NAGPA: variants seen among roughly 807,000 people sequenced by gnomAD.
The protein encoded by NAGPA is alpha-N-acetylglucosaminyl phosphodiesterase.
NAGPA carries 56 observed loss-of-function variants against 48.5 expected under a neutral mutation model. The observed-to-expected ratio is 1.15, with a 90% CI of 0.93 to 1.44. The LOEUF is 1.44. Among genes scored for constraint, NAGPA ranks in the 40% most tolerant of loss-of-function variants. NAGPA has a pLI of 0.00. For missense variants in NAGPA, 888 were observed against 735.0 expected (o/e 1.21, Z -2.41); for synonymous variants, 399 against 315.5 (o/e 1.26, Z -2.81).
chr16:5,033,821 G>A lies in NAGPA; in HGVS notation c.86+8C>T. On this transcript the variant is annotated splice_region_variant and intron_variant, in intron 1 of 9. Transcript: ENST00000312251. The surrounding 1 kb of genome is among the most constrained non-coding windows in gnomAD (Gnocchi z 4.2). ...CCGAACCAGGCTGGCCCAGGGAGCT[G>A]CACTCACCCCGAGTCGAGGCCGCCG... 2 of 1,554,510 alleles carry A rather than the reference G, an allele frequency of 1.3e-6. No homozygotes were observed. The highest frequency in any genetic ancestry group is 1.2e-5 in the South Asian group (1 of 84,700).
Position 5,033,690 on chromosome 16 carries a change from CGT to C in NAGPA, c.123_124del (p.Arg46ProfsTer53), listed in dbSNP as rs1956149513. 1.9e-6 allele frequency: 3 copies of C among 1,596,538 alleles called. No homozygotes were observed. Among genetic ancestry groups the C allele is most frequent in the African/African-American group, 2.7e-5 (2 of 74,768 alleles). ...GTCCCGGGGGAGGCGCGCGCGCGCGCGTGGATAGGGCAGTAGCAAGTCGTCGT... is the reference window on the plus strand; with the variant it reads ...GTCCCGGGGGAGGCGCGCGCGCGCGCGGATAGGGCAGTAGCAAGTCGTCGT... On this transcript the variant is annotated frameshift_variant, in exon 2 of 10. Coordinates refer to ENST00000312251, the MANE Select transcript of NAGPA (RefSeq NM_016256.4). LOFTEE classifies it high-confidence loss of function. The surrounding 1 kb of genome is among the most constrained non-coding windows in gnomAD (Gnocchi z 4.2).
rs776047179 is a variant in NAGPA at position 5,033,631 on chromosome 16, C to A, written c.184G>T (p.Glu62Ter). 3 of 1,532,154 alleles carry A rather than the reference C, an allele frequency of 2.0e-6. No homozygotes were observed. Among genetic ancestry groups the A allele is most frequent in the African/African-American group, 1.4e-5 (1 of 71,094 alleles). 94.9% of individuals were successfully genotyped at this position (1,532,154 alleles called of 1,614,324 possible). ...TRVRAGNREH[E>*]SWPPPPATPG... The stretch of plus-strand genomic sequence containing the variant: ...GTCGCGGGAGGCGGAGGCCAACTCT[C>A]GTGCTCGCGGTTGCCGGCGCGCACC... Residue 62 changes from glutamate (E) to a stop codon, truncating the protein, a stop_gained, in exon 2 of 10, where the codon GAG becomes TAG. Transcript: ENST00000312251. LOFTEE classifies it high-confidence loss of function. The surrounding 1 kb of genome is among the most constrained non-coding windows in gnomAD (Gnocchi z 4.2).
Position 5,029,007 on chromosome 16 carries a change from TGCTGCG to T in NAGPA, c.792-5_792del, listed in dbSNP as rs1567139883. On this transcript the variant is annotated splice_acceptor_variant and splice_polypyrimidine_tract_variant and coding_sequence_variant and intron_variant, in exon 5 of 10. Coordinates refer to ENST00000312251, the MANE Select transcript of NAGPA (RefSeq NM_016256.4). LOFTEE classifies it high-confidence loss of function. ...AACTCCGCCATTTCCCACAGGTTGATGCTGCGGCACAAAGCGGCGCTGCTCAGGCTC... is the reference window on the plus strand; with the variant it reads ...AACTCCGCCATTTCCCACAGGTTGATGCACAAAGCGGCGCTGCTCAGGCTC... 1.9e-6 allele frequency: 3 copies of T among 1,613,316 alleles called. No homozygotes were observed. The South Asian group carries it at 3.3e-5, about 18-fold the overall frequency.
chr16:5,030,057 C>G (rs1261534202), intron 4 of NAGPA: 4 of 477,662 alleles, frequency 8.4e-6, no homozygotes, highest in Non-Finnish European at 1.2e-5. Flanking sequence ...AGGGACTTGT[C>G]TACGGCATAG....
chr16:5,027,337 C>CT lies in NAGPA; in HGVS notation c.1216_1217insA (p.Cys406Ter). 2 of 1,614,174 alleles carry CT rather than the reference C, an allele frequency of 1.2e-6. No individual in the cohort carries two copies. The highest frequency in any genetic ancestry group is 1.7e-6 in the Non-Finnish European group (2 of 1,180,036). Residue 406 changes from cysteine (C) to a stop codon, truncating the protein, a stop_gained and frameshift_variant, in exon 8 of 10, where the codon TGT becomes TAGT. Coordinates refer to ENST00000312251, the MANE Select transcript of NAGPA (RefSeq NM_016256.4). LOFTEE classifies it high-confidence loss of function. Reference protein sequence around the residue: ...GWHGPGCQRPCKCEHHCPCDP... With the variant: ...GWHGPGCQRP The stretch of plus-strand genomic sequence containing the variant: ...ACAGGGACAATGGTGCTCACACTTA[C>CT]AAGGCCTCTGGCAGCCCGGCCCATG...
At chr16:5,025,812 G>A in intron 9 of NAGPA, 127 bp from the exon 10 acceptor site, 1 of 982,648 alleles carries the variant, frequency 1.0e-6, no homozygotes, top group South Asian at 1.4e-5. Context: ...GGACCACACA[G>A]GGAATGTTAT....
rs1229935347 is a variant in NAGPA at position 5,028,153 on chromosome 16, A to G, written c.953T>C (p.Val318Ala). 2 of 1,583,376 alleles carry G rather than the reference A, an allele frequency of 1.3e-6. No individual in the cohort carries two copies. Among genetic ancestry groups the G allele is most frequent in the Non-Finnish European group, 1.7e-6 (2 of 1,164,604 alleles). The change falls in exon 6 of 10, where the codon GTG becomes GCG. Residue 318 changes from valine to alanine, a missense_variant. Transcript: ENST00000312251. Reference sequence around the variant, plus strand: ...TTCGTGCACACACACCACGGTGGACACTTGGCGGGGACAGCGCCACATGTT... The same window carrying G: ...TTCGTGCACACACACCACGGTGGACGCTTGGCGGGGACAGCGCCACATGTT... Reference protein sequence around the residue: ...QDNMWRCPRQVSTVVCVHEPR... With the variant: ...QDNMWRCPRQASTVVCVHEPR...
Position 5,027,899 on chromosome 16 carries a change from G to C in NAGPA, c.1127-6C>G, listed in dbSNP as rs373880604. The stretch of plus-strand genomic sequence containing the variant: ...GGCATCACAGCGGCAGCCGGCTGCC[G>C]AGACAAGACCGGGGAGGCCAGGTGA... On this transcript the variant is annotated splice_region_variant and splice_polypyrimidine_tract_variant and intron_variant, in intron 6 of 9. Transcript: ENST00000312251. 6 of 1,602,654 alleles carry C rather than the reference G, an allele frequency of 3.7e-6. No homozygotes were observed. The highest frequency in any genetic ancestry group is 5.1e-6 in the Non-Finnish European group (6 of 1,175,120).
chr16:5,030,099 G>C, intron 4 of NAGPA: 1 of 540,494 alleles, frequency 1.9e-6, no homozygotes, highest in East Asian at 3.3e-5. Context: ...GGCTAAGCTG[G>C]GATTGGAACC....
Position 5,031,786 on chromosome 16 carries a change from T to G in NAGPA, c.641A>C (p.Asn214Thr). The G allele has an allele frequency of 1.2e-6, 2 of 1,614,160 alleles. No homozygotes were observed. The highest frequency in any genetic ancestry group is 2.2e-5 in the East Asian group (1 of 44,888). The change falls in exon 3 of 10, where the codon AAC becomes ACC. Residue 214 changes from asparagine to threonine, a missense_variant. Transcript: ENST00000312251. Reference protein sequence around the residue: ...WLIRNGSIYINESQATECDET... With the variant: ...WLIRNGSIYITESQATECDET... ...GTCACACTCTGTGGCTTGGCTCTCG[T>G]TGATGTAGATGCTTCCATTACGAAT...
Position 5,033,245 on chromosome 16 carries a change from G to T in NAGPA, c.542+28C>A, listed in dbSNP as rs142528065. 13 of 1,570,226 alleles carry T rather than the reference G, an allele frequency of 8.3e-6. No homozygotes were observed. In the African/African-American group the frequency reaches 1.8e-4, roughly 21 times the overall value. ...CCCAAATCTCAGGCCCTCTGCCCTC[G>T]ACAGCACGGGGCTCCCTGCCTCCTC... On this transcript the variant is annotated intron_variant, in intron 2 of 9. Transcript: ENST00000312251. The surrounding 1 kb of genome is among the most constrained non-coding windows in gnomAD (Gnocchi z 4.2).
chr16:5,030,186 T>C (rs1956074786), intron 4 of NAGPA, 199 bp downstream of exon 4: 1 of 623,508 alleles, frequency 1.6e-6, no homozygotes, highest in South Asian at 1.9e-5. Context: ...GGCCTAAAGC[T>C]GAAGATGATG....
At position 5,031,846 on chromosome 16, in the gene NAGPA, G is replaced by T; in HGVS notation, c.581C>A (p.Pro194Gln). 6.2e-7 allele frequency: 1 copy of T among 1,614,096 alleles called. No homozygotes were observed. Among genetic ancestry groups the T allele is most frequent in the Non-Finnish European group, 8.5e-7 (1 of 1,180,012 alleles). ...SEEEVLDTENPFVQLLSGVVW... is the reference protein window; with the variant it reads ...SEEEVLDTENQFVQLLSGVVW... ...GACCCCACTCAGCAGCTGCACAAAT[G>T]GGTTCTCAGTGTCCAGCACCTCCTC... Residue 194 changes from proline to glutamine, a missense_variant, in exon 3 of 10, where the codon CCA becomes CAA. Coordinates refer to ENST00000312251, the MANE Select transcript of NAGPA (RefSeq NM_016256.4).
chr16:5,031,433 G>T, intron 3 of NAGPA: 1 of 377,862 alleles, frequency 2.6e-6, no homozygotes, highest in South Asian at 2.3e-5. Flanking sequence ...GATGTTGCAG[G>T]TCCATGAAGA....
In NAGPA at chr16:5,033,598, C is replaced by G. The variant is rs1336784696; in HGVS notation, c.217G>C (p.Ala73Pro). The G allele has an allele frequency of 1.3e-6, 2 of 1,488,278 alleles. No homozygotes were observed. Among genetic ancestry groups the G allele is most frequent in the East Asian group, 5.1e-5 (2 of 39,582 alleles). The allele number at this position is 1,488,278 out of a possible 1,614,324, so 92.2% of individuals were successfully genotyped here. A position where few individuals can be genotyped will look rare whatever the true frequency, so the allele number is the denominator to read the frequency against. ...SWPPPPATPG[A>P]GGLAVRTFVS... is the part of the protein sequence containing the mutation. Reference sequence around the variant, plus strand: ...AAGGTGCGCACGGCCAGACCGCCGGCGCCGGGAGTCGCGGGAGGCGGAGGC... The same window carrying G: ...AAGGTGCGCACGGCCAGACCGCCGGGGCCGGGAGTCGCGGGAGGCGGAGGC... Residue 73 changes from alanine to proline, a missense_variant, in exon 2 of 10, where the codon GCC becomes CCC. Coordinates refer to ENST00000312251, the MANE Select transcript of NAGPA (RefSeq NM_016256.4). This position sits in a 1 kb window ranked among gnomAD's most constrained non-coding sequence, Gnocchi z 4.2.
At position 5,025,285 on chromosome 16, in the gene NAGPA, G is replaced by A. The variant is rs1955975462; in HGVS notation, c.*193C>T. 1 of 677,690 alleles carries A rather than the reference G, an allele frequency of 1.5e-6. No individual in the cohort carries two copies. Among genetic ancestry groups the A allele is most frequent in the Non-Finnish European group, 2.6e-6 (1 of 389,072 alleles). The allele number at this position is 677,690 out of a possible 1,614,324, so 42.0% of individuals were successfully genotyped here. On this transcript the variant is annotated 3_prime_UTR_variant, in exon 10 of 10. Transcript: ENST00000312251. The stretch of plus-strand genomic sequence containing the variant: ...GAGCCTCTCCAGCGAGCATGGTATT[G>A]CTAGGGTTGCAGGTGCCCTGGCAGG...
At position 5,033,741 on chromosome 16, in the gene NAGPA, G is replaced by C. The variant is rs754901558; in HGVS notation, c.87-13C>G. ...GTCGCGGGAGGCCCTGCGGGGACGG[G>C]CGGCCGTGAGCTCAGGGGGCTGTCC... is the stretch of plus-strand genomic sequence containing the variant. On this transcript the variant is annotated splice_polypyrimidine_tract_variant and intron_variant, in intron 1 of 9. Coordinates refer to ENST00000312251, the MANE Select transcript of NAGPA (RefSeq NM_016256.4). The surrounding 1 kb of genome is among the most constrained non-coding windows in gnomAD (Gnocchi z 4.2). 7 of 1,599,886 alleles carry C rather than the reference G, an allele frequency of 4.4e-6. No homozygotes were observed. Among genetic ancestry groups the C allele is most frequent in the Non-Finnish European group, 6.0e-6 (7 of 1,175,102 alleles).
At chr16:5,029,355 C>T (rs1956062064) in intron 4 of NAGPA, 4 of 352,018 alleles carry the variant, frequency 1.1e-5, no homozygotes, top group Admixed American at 4.0e-5. Context: ...AGAGGGTGGC[C>T]GGACAACTGG....
In NAGPA at chr16:5,027,197, T is replaced by C. The variant is rs771415567; in HGVS notation, c.1278A>G (p.Val426=). 6.2e-7 allele frequency: 1 copy of C among 1,614,114 alleles called. No individual in the cohort carries two copies. The highest frequency in any genetic ancestry group is 8.5e-7 in the Non-Finnish European group (1 of 1,179,938). ...CTTCAGGTGGCTGGAGACACTGCTT[T>C]ACTGTAACATACCAGAGACAGGCTG... ...PKTGNCSVSR[V]KQCLQPPEAT... Residue 426 remains valine (V), a splice_region_variant and synonymous_variant, in exon 9 of 10, where the codon GTA becomes GTG. Transcript: ENST00000312251.
Sources: gnomAD v4.1 joint callset for allele counts on GRCh38, gnomAD v4.1.1 for gene constraint, Gnocchi (gnomAD v3.1) non-coding constraint, MANE v1.5 for transcripts, NCBI Gene and HGNC (gene_info 2026-07-23, HGNC 2026-07-21) for gene names.